The following DIS3L2 variants were observed in gnomAD, a reference collection of about 807,000 sequenced individuals.
DIS3L2 encodes DIS3 like 3'-5' exoribonuclease 2, also known as DIS3-like exonuclease 2.
DIS3L2 carries 34 observed loss-of-function variants against 97.5 expected under a neutral mutation model. That is an observed-to-expected ratio of 0.35 (90% CI 0.27 to 0.46). The LOEUF (loss-of-function observed/expected upper bound fraction) is 0.46. Among genes scored for constraint, DIS3L2 ranks in the 20% least tolerant of loss-of-function variants. DIS3L2 has a pLI of 1.00. For missense variants in DIS3L2, 1,038 were observed against 1,146.0 expected (o/e 0.91, Z 1.36); for synonymous variants, 435 against 445.2 (o/e 0.98, Z 0.29).
intron 6 of DIS3L2, among the ~76,000 whole-genome samples, chr2:232,117,359 T>A (rs2106338249): frequency 6.6e-6 from 1 of 152,338 alleles, no homozygotes; most frequent in Non-Finnish European, 1.5e-5. Flanking sequence ...GTATGAAACC[T>A]TCATAATAAA....
At chr2:232,090,754 G>A (rs1696812372) in intron 6 of DIS3L2, among the ~76,000 whole-genome samples, 1 of 152,104 alleles carries the variant, frequency 6.6e-6, no homozygotes, top group Non-Finnish European at 1.5e-5. Flanking sequence ...GTTCAAAAGT[G>A]TTTTTTTGTT....
intron 6 of DIS3L2, among the ~76,000 whole-genome samples, chr2:232,091,753 T>C (rs1696843477): frequency 2.0e-5 from 3 of 152,232 alleles, no homozygotes; most frequent in Non-Finnish European, 2.9e-5. Flanking sequence ...TATACTAATT[T>C]ACATTCTCAC....
At chr2:232,192,992 C>A (rs1691657475) in intron 9 of DIS3L2, among the ~76,000 whole-genome samples, 1 of 152,198 alleles carries the variant, frequency 6.6e-6, no homozygotes, top group African/African-American at 2.4e-5. Context: ...CTCAGACTAG[C>A]TCCTTTGCTT....
intron 5 of DIS3L2, among the ~76,000 whole-genome samples, chr2:232,053,680 A>G (rs1407401899): frequency 1.3e-5 from 2 of 152,230 alleles, no homozygotes; most frequent in Non-Finnish European, 2.9e-5. Context: ...CCAGTTTATT[A>G]TAAAGGATAT....
chr2:232,165,258 CTATAA>C (rs1005264093), intron 9 of DIS3L2, among the ~76,000 whole-genome samples: 1 of 152,058 alleles, frequency 6.6e-6, no homozygotes, highest in Non-Finnish European at 1.5e-5. Context: ...AAAAGAATAG[CTATAA>C]TATATTATTA....
chr2:232,296,732 C>G (rs1288339331), intron 13 of DIS3L2, among the ~76,000 whole-genome samples: 2 of 152,188 alleles, frequency 1.3e-5, no homozygotes, highest in South Asian at 4.1e-4. Context: ...CATTAAACCT[C>G]TTTCCTTTAT....
At chr2:232,054,473 T>C (rs2106267821) in intron 5 of DIS3L2, among the ~76,000 whole-genome samples, 1 of 152,320 alleles carries the variant, frequency 6.6e-6, no homozygotes, top group South Asian at 2.1e-4. Flanking sequence ...TTTTTCTAAT[T>C]TGAAAGGAAA....
chr2:232,086,427 A>G (rs1466390137), intron 5 of DIS3L2, among the ~76,000 whole-genome samples: 1 of 147,130 alleles, frequency 6.8e-6, no homozygotes, highest in Admixed American at 6.8e-5. Context: ...GCAGAGAAAG[A>G]CCTTTCACTG....
chr2:232,106,403 G>T (rs1697358844), intron 6 of DIS3L2, among the ~76,000 whole-genome samples: 1 of 152,078 alleles, frequency 6.6e-6, no homozygotes, highest in African/African-American at 2.4e-5. Flanking sequence ...GAAGAAACCA[G>T]GATTGTAATC....
At chr2:232,304,377 G>A (rs1201407366) in intron 14 of DIS3L2, among the ~76,000 whole-genome samples, 1 of 152,190 alleles carries the variant, frequency 6.6e-6, no homozygotes, top group African/African-American at 2.4e-5. Context: ...TTACATGGGG[G>A]AGGCAAAGAT....
rs183222052 is a variant in DIS3L2, at chr2:232,292,001, C to T, written c.1660-8039C>T. 9.2e-5 allele frequency among the ~76,000 whole-genome samples: 14 copies of T among 152,292 alleles called. No individual in the cohort carries two copies. Among genetic ancestry groups the T allele is most frequent in the Admixed American group, 9.2e-4 (14 of 15,300 alleles). ...CCTAGTGGCCCTTGCATGACGTTCT[C>T]CAAGTATGGCTGTTTGACAAAGCTG... On this transcript the variant is annotated intron_variant, in intron 13 of 20. Transcript: ENST00000325385. This position sits in a 1 kb window ranked among gnomAD's most constrained non-coding sequence, Gnocchi z 4.4.
At chr2:232,336,023 C>T (rs1475938600) in intron 20 of DIS3L2, 149 bp downstream of exon 20, 3 of 1,522,532 alleles carry the variant, frequency 2.0e-6, no homozygotes, top group Non-Finnish European at 2.6e-6. Flanking sequence ...CCAGCTCACC[C>T]AGACCCCCTC....
intron 1 of DIS3L2, among the ~76,000 whole-genome samples, chr2:232,004,106 T>G (rs1253711398): frequency 2.6e-5 from 4 of 152,154 alleles, no homozygotes; most frequent in Non-Finnish European, 4.4e-5. Flanking sequence ...AGAGTCTTGC[T>G]CTGTTTCCTA....
chr2:232,185,978 GT>G (rs1182459097), intron 9 of DIS3L2, among the ~76,000 whole-genome samples: 1 of 152,056 alleles, frequency 6.6e-6, no homozygotes, highest in Non-Finnish European at 1.5e-5. Flanking sequence ...CAAAAAGCTG[GT>G]TCTTTTTTTT....
rs762350518 is a variant in DIS3L2 at position 232,281,800 on chromosome 2, C to T, written c.1660-18240C>T. Among the ~76,000 whole-genome samples the T allele has an allele frequency of 6.6e-6, 1 of 152,182 alleles. No homozygotes were observed. The highest frequency in any genetic ancestry group is 1.9e-4 in the East Asian group (1 of 5,194). On this transcript the variant is annotated intron_variant, in intron 13 of 20. Transcript: ENST00000325385. The surrounding 1 kb of genome is among the most constrained non-coding windows in gnomAD (Gnocchi z 4.1). ...GGTGCGTGAGCTGCCCACTTAAAGA[C>T]GCTTGCCAGGTGGCTGGACCGGAAG...
chr2:232,119,479 A>T (rs1163361024), intron 6 of DIS3L2, among the ~76,000 whole-genome samples: 3 of 152,206 alleles, frequency 2.0e-5, no homozygotes, highest in Non-Finnish European at 2.9e-5. Context: ...GTTGAGTAAG[A>T]TGCAGAATTA....
At chr2:232,302,214 A>T (rs537554647) in intron 14 of DIS3L2, among the ~76,000 whole-genome samples, 1 of 152,042 alleles carries the variant, frequency 6.6e-6, no homozygotes, top group Admixed American at 6.6e-5. Flanking sequence ...AGGAAGGGGA[A>T]CATCATACAC....
chr2:232,048,503 C>T (rs553884410), intron 5 of DIS3L2, among the ~76,000 whole-genome samples: 19 of 152,184 alleles, frequency 1.2e-4, no homozygotes, highest in Admixed American at 9.2e-4. Flanking sequence ...GAGGCCGAGG[C>T]GGGTGGATCA....
At chr2:232,242,013 T>C (rs920187595) in intron 11 of DIS3L2, among the ~76,000 whole-genome samples, 3 of 152,192 alleles carry the variant, frequency 2.0e-5, no homozygotes, top group African/African-American at 7.2e-5. Context: ...AAGCCTGTCT[T>C]AATGTAGAGT....
Sources: allele counts gnomAD v4.1 joint callset (sites outside exome capture counted in the v4.1 genomes callset), GRCh38; gene constraint gnomAD v4.1.1; non-coding constraint Gnocchi (gnomAD v3.1); transcripts MANE v1.5; gene names NCBI Gene and HGNC (gene_info 2026-07-23, HGNC 2026-07-21).